The following CCDC13 variants were observed in gnomAD, a reference collection of about 807,000 sequenced individuals.
CCDC13 encodes coiled-coil domain-containing protein 13.
Under a neutral mutation model 87.3 loss-of-function variants are expected in CCDC13, and 70 were observed. The observed-to-expected ratio is 0.80, with a 90% CI of 0.66 to 0.98. CCDC13 has a LOEUF of 0.98. Ranked by LOEUF, CCDC13 falls within the 50% of genes least tolerant of loss-of-function variation. The pLI is 0.00. For synonymous variants in CCDC13, 317 were observed against 360.3 expected (o/e 0.88, Z 1.36); for missense variants, 842 against 892.0 (o/e 0.94, Z 0.71).
chr3:42,753,084 G>A (rs1699624608), intron 3 of CCDC13, among the ~76,000 whole-genome samples: 1 of 152,152 alleles, frequency 6.6e-6, no homozygotes, highest in South Asian at 2.1e-4. Context: ...TAGTCCCCTT[G>A]GGCCTTCTAT....
intron 5 of CCDC13, chr3:42,750,019 T>C (rs1447229014): frequency 2.2e-5 from 10 of 447,536 alleles, no homozygotes; most frequent in African/African-American, 4.0e-5. Flanking sequence ...GGAGAACACG[T>C]GGTGCTGATG....
At chr3:42,711,247 A>C (rs1009146590) in intron 14 of CCDC13, among the ~76,000 whole-genome samples, 1 of 40,048 alleles carries the variant, frequency 2.5e-5, no homozygotes, top group Admixed American at 2.0e-4. Context: ...CTCTGTCTCC[A>C]AAAAAAAAAA....
At chr3:42,711,967 C>T (rs1698322676) in intron 14 of CCDC13, among the ~76,000 whole-genome samples, 1 of 152,138 alleles carries the variant, frequency 6.6e-6, no homozygotes, top group African/African-American at 2.4e-5. Context: ...AAGCCACACT[C>T]CTAGGGAACA....
At position 42,732,966 on chromosome 3, in the gene CCDC13, C is replaced by G; in HGVS notation, c.1516G>C (p.Val506Leu). The G allele has an allele frequency of 6.4e-7, 1 of 1,552,360 alleles. No homozygotes were observed. Among genetic ancestry groups the G allele is most frequent in the Non-Finnish European group, 8.7e-7 (1 of 1,147,314 alleles). The change falls in exon 12 of 16, where the codon GTG becomes CTG. Residue 506 changes from valine to leucine, a missense_variant. Transcript: ENST00000310232. Reference protein sequence around the residue: ...HVGRLGSSRSVTSLGHTLVES... With the variant: ...HVGRLGSSRSLTSLGHTLVES... ...ACCAGTGTGTGGCCCAGGCTGGTCA[C>G]AGAGCTGTGTAAAGGCGGAAGGGGC... is the stretch of plus-strand genomic sequence containing the variant.
chr3:42,722,845 G>T (rs1698598565), intron 13 of CCDC13, among the ~76,000 whole-genome samples: 1 of 139,448 alleles, frequency 7.2e-6, no homozygotes, highest in East Asian at 2.1e-4. Context: ...CACCCAGGCT[G>T]GAGTGCAGTG....
chr3:42,722,149 A>C (rs755501224), intron 13 of CCDC13, among the ~76,000 whole-genome samples: 4 of 152,192 alleles, frequency 2.6e-5, no homozygotes, highest in Non-Finnish European at 5.9e-5. Context: ...AATCTTCCAG[A>C]TATCACCTTT....
rs575623595 is a variant in CCDC13, at chr3:42,752,125, G to C, written c.514-100C>G. 20 of 1,028,948 alleles carry C rather than the reference G, an allele frequency of 1.9e-5. No individual in the cohort carries two copies. In the East Asian group the frequency reaches 4.4e-4, roughly 22 times the overall value. The allele number at this position is 1,028,948 out of a possible 1,614,324, so 63.7% of individuals were successfully genotyped here. On this transcript the variant is annotated intron_variant, in intron 4 of 15. Coordinates refer to ENST00000310232, the MANE Select transcript of CCDC13 (RefSeq NM_144719.4). Reference sequence around the variant, plus strand: ...GTGTGTGTGGTTACCTATCTTGGTGGTGTGTCCTTTTAGCTCACTTTAGGA... The same window carrying C: ...GTGTGTGTGGTTACCTATCTTGGTGCTGTGTCCTTTTAGCTCACTTTAGGA...
intron 13 of CCDC13, among the ~76,000 whole-genome samples, chr3:42,725,749 A>C (rs912382158): frequency 6.6e-6 from 1 of 152,080 alleles, no homozygotes; most frequent in African/African-American, 2.4e-5. Context: ...GAAACCCTAA[A>C]AGCTTCACAG....
At chr3:42,710,066 A>G (rs1301643868) in intron 14 of CCDC13, among the ~76,000 whole-genome samples, 1 of 145,184 alleles carries the variant, frequency 6.9e-6, no homozygotes, top group Non-Finnish European at 1.5e-5. Flanking sequence ...CCCTGTCTCC[A>G]TCTTTATACT....
rs539251897 is a variant in CCDC13, at chr3:42,757,012, A to G, written c.370+54T>C. ...CTCTCTGGAACCTGCTGTCTGCCCT[A>G]TCTGAAGTCCCTGGACTGCAGGGCA... On this transcript the variant is annotated intron_variant, in intron 3 of 15. Coordinates refer to ENST00000310232, the MANE Select transcript of CCDC13 (RefSeq NM_144719.4). The G allele has an allele frequency of 1.7e-5, 26 of 1,557,896 alleles. No individual in the cohort carries two copies. In the Admixed American group the frequency reaches 3.9e-4, roughly 23 times the overall value.
intron 9 of CCDC13, 118 bp from the exon 10 acceptor site, chr3:42,736,031 C>T (rs1699003374): frequency 1.1e-6 from 1 of 919,648 alleles, no homozygotes; most frequent in African/African-American, 1.6e-5. Context: ...CAGTGGGATC[C>T]TGTTCCCTCG....
In CCDC13 at chr3:42,707,474, G is replaced by A. The variant is rs1442806701; in HGVS notation, c.*1506C>T. ...TCCCTGAGGAGTGGGGGCCAGCTAG[G>A]GTCCCTCCATAGCCCCATCCCCAAG... On this transcript the variant is annotated 3_prime_UTR_variant, in exon 16 of 16. Coordinates refer to ENST00000310232, the MANE Select transcript of CCDC13 (RefSeq NM_144719.4). Among the ~76,000 whole-genome samples the A allele has an allele frequency of 6.6e-6, 1 of 152,148 alleles. No individual in the cohort carries two copies. The highest frequency in any genetic ancestry group is 1.5e-5 in the Non-Finnish European group (1 of 68,018).
intron 13 of CCDC13, among the ~76,000 whole-genome samples, chr3:42,722,707 C>T (rs1698592678): frequency 6.6e-6 from 1 of 151,670 alleles, no homozygotes; most frequent in Non-Finnish European, 1.5e-5. Flanking sequence ...TTTAGCATAT[C>T]ATCAAGAAAT....
intron 12 of CCDC13, among the ~76,000 whole-genome samples, chr3:42,732,134 C>T (rs1229611023): frequency 2.0e-5 from 3 of 152,240 alleles, no homozygotes; most frequent in African/African-American, 7.2e-5. Context: ...TCAGTGTCAG[C>T]CCACTCTCCC....
At chr3:42,744,804 CAAAAAAAAAAA>C (rs56234512) in intron 7 of CCDC13, 2 of 47,526 alleles carry the variant, frequency 4.2e-5, no homozygotes, top group Admixed American at 2.7e-4. Context: ...GACTCCGTCT[CAAAAAAAAAAA>C]AAAAAAAAAA....
chr3:42,757,125 C>G lies in CCDC13; in HGVS notation c.311G>C (p.Arg104Thr), dbSNP rs376549796. 98 of 1,614,182 alleles carry G rather than the reference C, an allele frequency of 6.1e-5. No individual in the cohort carries two copies. Among genetic ancestry groups the G allele is most frequent in the Middle Eastern group, 4.9e-4 (3 of 6,062 alleles). ...TTTGAGGTGTTTGATTTCAAAGTCCCTTTCCTTCAGCAGCTTATACAATCG... is the reference window on the plus strand; with the variant it reads ...TTTGAGGTGTTTGATTTCAAAGTCCGTTTCCTTCAGCAGCTTATACAATCG... ...NGRLYKLLKE[R>T]DFEIKHLKKK... Residue 104 changes from arginine (R) to threonine (T), a missense_variant, in exon 3 of 16, where the codon AGG becomes ACG. Arg to Thr is a moderately conservative substitution (Grantham distance 71, BLOSUM62 -1). Transcript: ENST00000310232.
chr3:42,714,053 C>T (rs1698375285), intron 13 of CCDC13: 1 of 152,282 alleles, frequency 6.6e-6, no homozygotes, highest in African/African-American at 2.4e-5. Context: ...TGGTCAATTT[C>T]ACCTTCTAGG....
In CCDC13 at chr3:42,746,835, TTC is replaced by T. The variant is rs1699409650; in HGVS notation, c.720+420_720+421del. On this transcript the variant is annotated intron_variant, in intron 6 of 15. Coordinates refer to ENST00000310232, the MANE Select transcript of CCDC13 (RefSeq NM_144719.4). ...TTAATACACAAGTAACCTATTCATTTTCTGTTACAGATAGCAGAGAAGAAGGC... is the reference window on the plus strand; with the variant it reads ...TTAATACACAAGTAACCTATTCATTTTGTTACAGATAGCAGAGAAGAAGGC... The T allele has an allele frequency of 1.1e-5, 3 of 277,570 alleles. No homozygotes were observed. The South Asian group carries it at 1.2e-4, about 11-fold the overall frequency. 17.2% of individuals were successfully genotyped at this position (277,570 alleles called of 1,614,324 possible).
chr3:42,747,404 C>T, intron 5 of CCDC13, 31 bp from the exon 6 acceptor site: 1 of 1,429,446 alleles, frequency 7.0e-7, no homozygotes. Flanking sequence ...AGAAAGTAGT[C>T]ATTTATTGCC....
Sources: gnomAD v4.1 joint callset for allele counts (sites outside exome capture counted in the v4.1 genomes callset) on GRCh38, gnomAD v4.1.1 for gene constraint, MANE v1.5 for transcripts, NCBI Gene and HGNC (gene_info 2026-07-23, HGNC 2026-07-21) for gene names.